Variants in LIMCH1 observed in about 807,000 individuals in gnomAD.
LIMCH1 encodes LIM and calponin homology domains 1.
Under a neutral mutation model 176.5 loss-of-function variants are expected in LIMCH1, and 113 were observed. The ratio of observed to expected loss-of-function variants is 0.64; its 90% CI spans 0.55 to 0.75. The LOEUF (loss-of-function observed/expected upper bound fraction) is 0.75. LIMCH1 is among the 30% of genes least tolerant of loss of function. The pLI is 0.00. For missense variants in LIMCH1, 1,674 were observed against 1,814.9 expected, an observed-to-expected ratio of 0.92 and a Z score of 1.41; for synonymous variants, 619 against 645.9, an observed-to-expected ratio of 0.96 and a Z score of 0.63.
At chr4:41,650,111 G>C (rs971353264) in intron 17 of LIMCH1, among the ~76,000 whole-genome samples, 4 of 152,128 alleles carry the variant, frequency 2.6e-5, no homozygotes, top group African/African-American at 9.7e-5. Context: ...TCGGTTTTCT[G>C]TACTTTAAAA....
chr4:41,443,611 C>G (rs1210870313), intron 1 of LIMCH1, among the ~76,000 whole-genome samples: 2 of 152,148 alleles, frequency 1.3e-5, no homozygotes, highest in African/African-American at 4.8e-5. Flanking sequence ...GTACCATTTC[C>G]TAGGAGAAAC....
chr4:41,494,868 A>G (rs190336939), intron 2 of LIMCH1, among the ~76,000 whole-genome samples: 1 of 152,344 alleles, frequency 6.6e-6, no homozygotes, highest in Non-Finnish European at 1.5e-5. Flanking sequence ...ATAATCTTTC[A>G]CTGTGCATCA....
intron 2 of LIMCH1, among the ~76,000 whole-genome samples, chr4:41,495,067 T>A (rs2071845194): frequency 6.6e-6 from 1 of 152,224 alleles, no homozygotes; most frequent in Admixed American, 6.5e-5. Flanking sequence ...TTCAAATATG[T>A]TTAATCTGTG....
chr4:41,415,047 T>C (rs573162894), intron 1 of LIMCH1, among the ~76,000 whole-genome samples: 1 of 152,174 alleles, frequency 6.6e-6, no homozygotes, highest in Non-Finnish European at 1.5e-5. Context: ...CATAGAGACA[T>C]TGTGATGGTT....
At position 41,448,316 on chromosome 4, in the gene LIMCH1, G is replaced by T. The variant is rs778833535; in HGVS notation, c.97-46220G>T. Among the ~76,000 whole-genome samples the T allele has an allele frequency of 7.2e-5, 11 of 152,156 alleles. 1 individual carries two copies. Among genetic ancestry groups the T allele is most frequent in the Non-Finnish European group, 1.6e-4 (11 of 68,030 alleles). On this transcript the variant is annotated intron_variant, in intron 1 of 26. Coordinates refer to the LIMCH1 transcript ENST00000313860. ...TCCCACCCCAAATTGGAGAGGTCTG[G>T]CTGACTGGTTGAGGCTAGGGTGATG...
intron 2 of LIMCH1, among the ~76,000 whole-genome samples, chr4:41,603,357 C>T (rs528748858): frequency 6.6e-6 from 1 of 152,288 alleles, no homozygotes; most frequent in African/African-American, 2.4e-5. Flanking sequence ...TATTTTCCTG[C>T]TTATGGCTTA....
At chr4:41,359,949 C>A (rs1348130764), upstream of LIMCH1, 5 of 152,258 alleles carry the variant, frequency 3.3e-5, no homozygotes, top group Non-Finnish European at 5.9e-5. Context: ...TCTGTCCCGG[C>A]CCCCAATTCC....
chr4:41,447,011 T>G (rs2154144649), intron 1 of LIMCH1, among the ~76,000 whole-genome samples: 1 of 152,286 alleles, frequency 6.6e-6, no homozygotes, highest in South Asian at 2.1e-4. Context: ...GGCAGATCAC[T>G]TGAGCCCAGG....
At chr4:41,397,296 A>G (rs564133709) in intron 1 of LIMCH1, among the ~76,000 whole-genome samples, 11 of 152,340 alleles carry the variant, frequency 7.2e-5, no homozygotes, top group Middle Eastern at 3.4e-3. Flanking sequence ...CTACAGGATT[A>G]TCTAATTCTG....
chr4:41,694,763 G>GC (rs150402633), intron 31 of LIMCH1, among the ~76,000 whole-genome samples: 5,567 of 152,180 alleles, frequency 0.037, 279 homozygotes, highest in African/African-American at 0.11. Context: ...TAGATTCTGA[G>GC]CAGTAGCACA....
intron 1 of LIMCH1, among the ~76,000 whole-genome samples, chr4:41,466,319 G>A (rs1318845436): frequency 2.0e-5 from 3 of 152,114 alleles, no homozygotes; most frequent in Admixed American, 6.5e-5. Flanking sequence ...TCTCCACCCC[G>A]AGGACACATT....
intron 1 of LIMCH1, among the ~76,000 whole-genome samples, chr4:41,446,086 G>A (rs906006070): frequency 9.2e-5 from 14 of 152,198 alleles, no homozygotes; most frequent in African/African-American, 2.7e-4. Context: ...TTGTCAAAGG[G>A]TTTGAGGGTT....
At position 41,650,588 on chromosome 4, in the gene LIMCH1, T is replaced by G; in HGVS notation, c.3016T>G (p.Ser1006Ala). Residue 1006 changes from serine to alanine, a missense_variant, in exon 18 of 32, where the codon TCT becomes GCT. Physicochemically the swap from Ser to Ala is moderately conservative, Grantham distance 99. This residue lies in a region of LIMCH1 where 1,015 missense variants were observed against 1,102.5 expected (regional missense o/e 0.92). Transcript: ENST00000503057. ...CGAGATCAACATAAAGAAGCCAAAC[T>G]CTGTTCCCCAAGAGCTCGCAGTAAG... ...SIEINIKKPNSVPQELAATTE... is the reference protein window; with the variant it reads ...SIEINIKKPNAVPQELAATTE... 1 of 1,613,686 alleles carries G rather than the reference T, an allele frequency of 6.2e-7. No individual in the cohort carries two copies. The highest frequency in any genetic ancestry group is 1.1e-5 in the South Asian group (1 of 91,018).
chr4:41,679,974 G>C, intron 23 of LIMCH1, 32 bp from the exon 24 acceptor site: 1 of 1,502,166 alleles, frequency 6.7e-7, no homozygotes, highest in South Asian at 1.2e-5. Context: ...GCAATGGTCA[G>C]TTGAGAACAA....
intron 4 of LIMCH1, chr4:41,612,452 A>C (rs2091544370): frequency 1.5e-6 from 1 of 684,056 alleles, no homozygotes; most frequent in South Asian, 1.6e-5. Context: ...TGCCAGTGTT[A>C]TCCACAGTCC....
chr4:41,599,549 G>T (rs1418491277), intron 2 of LIMCH1, among the ~76,000 whole-genome samples: 2 of 152,128 alleles, frequency 1.3e-5, no homozygotes, highest in Non-Finnish European at 1.5e-5. Context: ...GCCCTGTTTG[G>T]GCCAAATAAT....
upstream of LIMCH1, among the ~76,000 whole-genome samples, chr4:41,536,654 C>T (rs993121493): frequency 1.3e-5 from 2 of 152,076 alleles, no homozygotes; most frequent in African/African-American, 4.8e-5. Flanking sequence ...TATCCCCAGC[C>T]ATGGAAAGAA....
At position 41,632,872 on chromosome 4, in the gene LIMCH1, G is replaced by C; in HGVS notation, c.1720+5G>C. ...GCCCGAGGGGGACAGAGGAAGGTGA[G>C]GAGCAGTGTTTCCTGCCTTCCCGGG... On this transcript the variant is annotated splice_donor_5th_base_variant and intron_variant, in intron 11 of 31. Transcript: ENST00000503057. The C allele has an allele frequency of 6.5e-7, 1 of 1,535,624 alleles. No individual in the cohort carries two copies. Among genetic ancestry groups the C allele is most frequent in the Non-Finnish European group, 8.7e-7 (1 of 1,146,338 alleles).
Position 41,627,017 on chromosome 4 carries a change from ATGGTGTGTGTGTG to A in LIMCH1, c.1028+10_1028+22del. On this transcript the variant is annotated splice_region_variant and intron_variant, in intron 8 of 31. Transcript: ENST00000503057. ...GAAGTCTAGAATATAAAAGGTGTGC[ATGGTGTGTGTGTG>A]TGTGTGTGTGTGTGTGTGTGTGTCT... 1 of 1,316,092 alleles carries A rather than the reference ATGGTGTGTGTGTG, an allele frequency of 7.6e-7. No individual in the cohort carries two copies. The highest frequency in any genetic ancestry group is 1.7e-5 in the African/African-American group (1 of 57,162). 81.5% of individuals were successfully genotyped at this position (1,316,092 alleles called of 1,614,324 possible). A position where few individuals can be genotyped will look rare whatever the true frequency, so the allele number is the denominator to read the frequency against.
Sources: allele counts gnomAD v4.1 joint callset (sites outside exome capture counted in the v4.1 genomes callset), GRCh38; gene constraint gnomAD v4.1.1; regional missense constraint gnomAD v4.1.1; transcripts MANE v1.5; gene names NCBI Gene and HGNC (gene_info 2026-07-23, HGNC 2026-07-21).